The following ABCG2 variants were observed in gnomAD, a reference collection of about 807,000 sequenced individuals.
ABCG2 encodes ATP binding cassette subfamily G member 2 (JR blood group), also known as broad substrate specificity ATP-binding cassette transporter ABCG2.
ABCG2 carries 80 observed loss-of-function variants against 73.5 expected under a neutral mutation model. That is an observed-to-expected ratio of 1.09 (90% CI 0.91 to 1.31). The LOEUF is 1.31. ABCG2 is among the 50% of genes most tolerant of loss of function. ABCG2 has a pLI of 0.00. For missense variants in ABCG2, 796 were observed against 786.2 expected (o/e 1.01, Z -0.15); for synonymous variants, 269 against 282.4 (o/e 0.95, Z 0.48).
intron 13 of ABCG2, among the ~76,000 whole-genome samples, chr4:88,097,219 A>G (rs932520797): frequency 7.2e-5 from 11 of 152,202 alleles, no homozygotes; most frequent in African/African-American, 2.7e-4. Flanking sequence ...ATTAGTAACA[A>G]TATTAACTAA....
At chr4:88,135,912 T>C (rs902406787) in intron 2 of ABCG2, among the ~76,000 whole-genome samples, 1 of 152,146 alleles carries the variant, frequency 6.6e-6, no homozygotes, top group Admixed American at 6.5e-5. Flanking sequence ...CTTAATGTAC[T>C]TGCTGATTTT....
At chr4:88,140,678 T>C (rs1160562703) in intron 1 of ABCG2, among the ~76,000 whole-genome samples, 2 of 152,068 alleles carry the variant, frequency 1.3e-5, no homozygotes, top group Non-Finnish European at 2.9e-5. Context: ...GTTTATAGCA[T>C]CATTATTATC....
intron 1 of ABCG2, among the ~76,000 whole-genome samples, chr4:88,216,557 A>C (rs1261273613): frequency 6.6e-6 from 1 of 152,170 alleles, no homozygotes; most frequent in African/African-American, 2.4e-5. Context: ...TGCTGTAACT[A>C]TACCTACTGC....
At chr4:88,211,358 G>GCTC (rs1729583670) in intron 1 of ABCG2, among the ~76,000 whole-genome samples, 1 of 33,648 alleles carries the variant, frequency 3.0e-5, no homozygotes, top group Non-Finnish European at 5.6e-5. Flanking sequence ...TTCAACCCCT[G>GCTC]CCCCACCCCC....
chr4:88,180,518 T>C (rs1485927503), intron 1 of ABCG2, among the ~76,000 whole-genome samples: 1 of 152,170 alleles, frequency 6.6e-6, no homozygotes, highest in African/African-American at 2.4e-5. Context: ...GAGAATTGTG[T>C]GAGCCCAGGA....
At chr4:88,104,648 C>T (rs1362427449) in intron 10 of ABCG2, among the ~76,000 whole-genome samples, 1 of 105,162 alleles carries the variant, frequency 9.5e-6, no homozygotes, top group Non-Finnish European at 2.2e-5. Flanking sequence ...TGCACATGTA[C>T]CCTAGAGCTT....
chr4:88,112,022 G>A (rs1723166474), intron 9 of ABCG2, among the ~76,000 whole-genome samples: 2 of 151,778 alleles, frequency 1.3e-5, no homozygotes, highest in Non-Finnish European at 2.9e-5. Flanking sequence ...AGAGTTTGGG[G>A]TTGCAGTGAG....
At chr4:88,123,424 T>C (rs572908764) in intron 5 of ABCG2, among the ~76,000 whole-genome samples, 2 of 152,118 alleles carry the variant, frequency 1.3e-5, no homozygotes, top group African/African-American at 2.4e-5. Context: ...GAAAAAAGGA[T>C]AGAGGAATTG....
intron 1 of ABCG2, among the ~76,000 whole-genome samples, chr4:88,229,845 G>T (rs1466295391): frequency 6.6e-6 from 1 of 152,066 alleles, no homozygotes; most frequent in Non-Finnish European, 1.5e-5. Flanking sequence ...ACACTACCAG[G>T]CCTGTTACAG....
In ABCG2 at chr4:88,118,162, C is replaced by A; in HGVS notation, c.788G>T (p.Arg263Ile). Residue 263 changes from arginine (R) to isoleucine (I), a missense_variant, in exon 7 of 16, where the codon AGA becomes ATA. By Grantham distance (97) the Arg-to-Ile change is moderately conservative. Transcript: ENST00000237612. The stretch of plus-strand genomic sequence containing the variant: ...CTGAGCAGGCCCGTGGAACATAAGT[C>A]TTCCTGAGGCCAATAAGGTGAGGCT... ...FDSLTLLASG[R>I]LMFHGPAQEA... 2.5e-6 allele frequency: 4 copies of A among 1,614,132 alleles called. No individual in the cohort carries two copies. The highest frequency in any genetic ancestry group is 3.4e-6 in the Non-Finnish European group (4 of 1,180,004).
chr4:88,121,933 G>A, intron 5 of ABCG2, 141 bp from the exon 6 acceptor site: 2 of 774,626 alleles, frequency 2.6e-6, no homozygotes, highest in Non-Finnish European at 4.0e-6. Flanking sequence ...TGGATACCTG[G>A]TAGAAAAAGT....
intron 1 of ABCG2, among the ~76,000 whole-genome samples, chr4:88,185,936 G>C (rs192993353): frequency 6.6e-6 from 1 of 152,270 alleles, no homozygotes; most frequent in East Asian, 1.9e-4. Context: ...CCACTATGGA[G>C]AATAGTTTGG....
At chr4:88,172,317 C>T (rs140973774) in intron 1 of ABCG2, among the ~76,000 whole-genome samples, 7,037 of 142,966 alleles carry the variant, frequency 0.049, 271 homozygotes, top group South Asian at 0.14. Flanking sequence ...AATTGCTGGG[C>T]CTAGTGGCTC....
At chr4:88,191,934 G>T (rs1728707725) in intron 1 of ABCG2, among the ~76,000 whole-genome samples, 1 of 152,102 alleles carries the variant, frequency 6.6e-6, no homozygotes, top group South Asian at 2.1e-4. Context: ...GCTTTGGGAG[G>T]CCGAGGTAGG....
At chr4:88,167,064 T>C (rs1310668361) in intron 1 of ABCG2, among the ~76,000 whole-genome samples, 3 of 152,058 alleles carry the variant, frequency 2.0e-5, no homozygotes, top group African/African-American at 7.2e-5. Context: ...ATCTCCCAAT[T>C]GTGGAGGTCA....
At chr4:88,189,584 G>T in intron 1 of ABCG2, among the ~76,000 whole-genome samples, 1 of 152,000 alleles carries the variant, frequency 6.6e-6, no homozygotes, top group East Asian at 1.9e-4. Context: ...ATTTTTCTGT[G>T]TTGATTTTGT....
upstream of ABCG2, among the ~76,000 whole-genome samples, chr4:88,161,145 C>G (rs1727283031): frequency 6.7e-6 from 1 of 149,162 alleles, no homozygotes. Flanking sequence ...GAGCCCCTGT[C>G]TCTACAAACA....
At chr4:88,110,479 G>T (rs1412962070) in intron 9 of ABCG2, among the ~76,000 whole-genome samples, 1 of 152,038 alleles carries the variant, frequency 6.6e-6, no homozygotes. Flanking sequence ...GGAGGCGGAG[G>T]TTACAGTGAG....
chr4:88,185,405 C>T (rs1009920526), intron 1 of ABCG2, among the ~76,000 whole-genome samples: 1 of 152,130 alleles, frequency 6.6e-6, no homozygotes, highest in Admixed American at 6.6e-5. Context: ...TAAAAGAACA[C>T]ATTGAGGAAG....
Sources: gnomAD v4.1 joint callset for allele counts (sites outside exome capture counted in the v4.1 genomes callset) on GRCh38, gnomAD v4.1.1 for gene constraint, MANE v1.5 for transcripts, NCBI Gene and HGNC (gene_info 2026-07-23, HGNC 2026-07-21) for gene names.